The following SAMTOR variants were observed in gnomAD, a reference collection of about 807,000 sequenced individuals.
SAMTOR encodes the protein UPF0532 protein C7orf60.
At chr7:112,855,353 C>T in the SAMTOR span, among the ~76,000 whole-genome samples, 11 of 152,172 alleles carry the variant, frequency 7.2e-5, no homozygotes, top group East Asian at 7.7e-4. Context: ...AACTTTAAAA[C>T]GACACCCAAT....
the SAMTOR span, among the ~76,000 whole-genome samples, chr7:112,859,774 T>G: frequency 6.6e-6 from 1 of 152,194 alleles, no homozygotes; most frequent in South Asian, 2.1e-4. Flanking sequence ...TTTTACAATG[T>G]GTGTTTTCAG....
chr7:112,852,724 C>G, the SAMTOR span, among the ~76,000 whole-genome samples: 1 of 152,038 alleles, frequency 6.6e-6, no homozygotes, highest in African/African-American at 2.4e-5. Flanking sequence ...AAATCACTCT[C>G]TAGTAAATTA....
the SAMTOR span, among the ~76,000 whole-genome samples, chr7:112,918,899 T>C: frequency 8.1e-3 from 1,232 of 152,328 alleles, 12 homozygotes; most frequent in African/African-American, 0.028. Flanking sequence ...AAGAGCTAAC[T>C]GTCCTAAATG....
the SAMTOR span, among the ~76,000 whole-genome samples, chr7:112,865,985 G>A: frequency 6.6e-6 from 1 of 151,520 alleles, no homozygotes; most frequent in Non-Finnish European, 1.5e-5. Flanking sequence ...AAAAACTCAT[G>A]ATATTCTCCA....
chr7:112,824,641 A>G, the SAMTOR span, among the ~76,000 whole-genome samples: 9,532 of 152,198 alleles, frequency 0.063, 463 homozygotes, highest in African/African-American at 0.13. Context: ...GATTACAGGC[A>G]TGATCCACCA....
At chr7:112,876,231 A>G in the SAMTOR span, among the ~76,000 whole-genome samples, 13 of 152,134 alleles carry the variant, frequency 8.5e-5, no homozygotes, top group African/African-American at 2.9e-4. Context: ...AAGTGCTAGA[A>G]TTACAGGCAT....
the SAMTOR span, among the ~76,000 whole-genome samples, chr7:112,825,302 C>T: frequency 6.6e-6 from 1 of 152,098 alleles, no homozygotes; most frequent in East Asian, 1.9e-4. Flanking sequence ...GCTGCGGTTA[C>T]AGGTGTGAGC....
the SAMTOR span, among the ~76,000 whole-genome samples, chr7:112,855,715 G>T: frequency 6.6e-6 from 1 of 152,094 alleles, no homozygotes; most frequent in African/African-American, 2.4e-5. Context: ...TAAATCTGAA[G>T]AAAGTTCTTG....
the SAMTOR span, among the ~76,000 whole-genome samples, chr7:112,826,298 A>G: frequency 8.9e-3 from 1,356 of 152,152 alleles, 26 homozygotes; most frequent in African/African-American, 0.031. Context: ...TAGTGCCTGG[A>G]ATTTTCTTTG....
chr7:112,821,021 C>T, the SAMTOR span: 1 of 152,434 alleles, frequency 6.6e-6, no homozygotes, highest in Admixed American at 6.6e-5. Context: ...ATATACTTCA[C>T]ACCAAGGCCC....
At chr7:112,860,202 G>C in the SAMTOR span, among the ~76,000 whole-genome samples, 1 of 152,212 alleles carries the variant, frequency 6.6e-6, no homozygotes, top group Non-Finnish European at 1.5e-5. Context: ...ATAGCCTACA[G>C]GTATGTATAG....
chr7:112,917,611 A>G, the SAMTOR span, among the ~76,000 whole-genome samples: 1,628 of 152,326 alleles, frequency 0.011, 30 homozygotes, highest in African/African-American at 0.037. Context: ...TGACTTTGAC[A>G]AGCTGAGAGA....
At chr7:112,883,833 CTTG>C in the SAMTOR span, among the ~76,000 whole-genome samples, 1 of 152,138 alleles carries the variant, frequency 6.6e-6, no homozygotes, top group Non-Finnish European at 1.5e-5. Context: ...TTCGCTTTTC[CTTG>C]TTGTATTTTA....
chr7:112,916,327 G>C, the SAMTOR span, among the ~76,000 whole-genome samples: 1 of 152,212 alleles, frequency 6.6e-6, no homozygotes, highest in Non-Finnish European at 1.5e-5. Flanking sequence ...AATGGTAATA[G>C]AGTAAACAAA....
the SAMTOR span, among the ~76,000 whole-genome samples, chr7:112,884,829 A>C: frequency 4.8e-4 from 73 of 152,342 alleles, no homozygotes; most frequent in African/African-American, 1.6e-3. Context: ...GCAGTGCCCC[A>C]GTAGGGACTC....
chr7:112,879,989 C>T, the SAMTOR span, among the ~76,000 whole-genome samples: 1 of 152,208 alleles, frequency 6.6e-6, no homozygotes, highest in South Asian at 2.1e-4. Context: ...TAGTTAGGGA[C>T]ATAATATACA....
At chr7:112,881,308 C>G in the SAMTOR span, among the ~76,000 whole-genome samples, 1 of 152,138 alleles carries the variant, frequency 6.6e-6, no homozygotes, top group Non-Finnish European at 1.5e-5. Context: ...AGCCTGGGTG[C>G]CATGGATGAC....
the SAMTOR span, among the ~76,000 whole-genome samples, chr7:112,910,371 G>C: frequency 1.3e-5 from 2 of 151,864 alleles, no homozygotes; most frequent in Non-Finnish European, 2.9e-5. Flanking sequence ...CATTTATAAA[G>C]GAAAATTCTT....
At chr7:112,871,736 C>CAGACCACTAGTTAAACAA in the SAMTOR span, among the ~76,000 whole-genome samples, 6,998 of 152,054 alleles carry the variant, frequency 0.046, 531 homozygotes, top group African/African-American at 0.16. Flanking sequence ...ACAAGATTGA[C>CAGACCACTAGTTAAACAA]AGACCACTAG....
Sources: gnomAD v4.1 joint callset for allele counts (sites outside exome capture counted in the v4.1 genomes callset) on GRCh38, gnomAD v4.1.1 for gene constraint, MANE v1.5 for transcripts, NCBI Gene and HGNC (gene_info 2026-07-23, HGNC 2026-07-21) for gene names.